Variants in CATSPERB observed in about 807,000 individuals in gnomAD.
The protein encoded by CATSPERB is catsper channel auxiliary subunit beta.
A neutral mutation model predicts 128.3 loss-of-function variants in CATSPERB; 93 were observed. The ratio of observed to expected loss-of-function variants is 0.72; its 90% CI spans 0.61 to 0.86. The LOEUF (loss-of-function observed/expected upper bound fraction) is 0.86, where lower values mean the gene tolerates loss of function less well. CATSPERB is among the 40% of genes least tolerant of loss of function. CATSPERB has a pLI of 0.00. For missense variants in CATSPERB, 1,153 were observed against 1,329.5 expected (o/e 0.87, Z 2.06); for synonymous variants, 381 against 448.8 (o/e 0.85, Z 1.91).
intron 3 of CATSPERB, 120 bp downstream of exon 3, chr14:91,724,960 T>C: frequency 4.8e-6 from 2 of 416,990 alleles, no homozygotes; most frequent in Non-Finnish European, 8.5e-6. Flanking sequence ...ATATAGAATT[T>C]TCCCTCCCCA....
intron 11 of CATSPERB, among the ~76,000 whole-genome samples, chr14:91,677,491 A>T (rs551338945): frequency 6.6e-6 from 1 of 152,360 alleles, no homozygotes; most frequent in Admixed American, 6.5e-5. Flanking sequence ...AGAAATGCAA[A>T]TCAAAACCAC....
At chr14:91,650,390 TAGA>T (rs2139814299) in intron 15 of CATSPERB, among the ~76,000 whole-genome samples, 1 of 152,332 alleles carries the variant, frequency 6.6e-6, no homozygotes, top group African/African-American at 2.4e-5. Context: ...TAATTTGTTG[TAGA>T]AGAATTCTAT....
At chr14:91,652,573 A>T (rs985712891) in intron 15 of CATSPERB, among the ~76,000 whole-genome samples, 1 of 145,798 alleles carries the variant, frequency 6.9e-6, no homozygotes, top group African/African-American at 2.5e-5. Flanking sequence ...CGGGAGGCTG[A>T]GGCAGGAGAA....
chr14:91,589,426 C>G, intron 24 of CATSPERB, 108 bp downstream of exon 24: 1 of 1,079,456 alleles, frequency 9.3e-7, no homozygotes, highest in Non-Finnish European at 1.3e-6. Flanking sequence ...TTTGCAAGAA[C>G]TCCTGGCTCT....
In CATSPERB at chr14:91,683,905, T is replaced by G; in HGVS notation, c.903A>C (p.Arg301Ser). ...CAAAGTGCTCTCTGTTAGCAAAACATCTTTCATTATACCACAGTTTTCCTT... is the reference window on the plus strand; with the variant it reads ...CAAAGTGCTCTCTGTTAGCAAAACAGCTTTCATTATACCACAGTTTTCCTT... ...YVKGKLWYNE[R>S]CFANREHFEV... Residue 301 changes from arginine to serine, a missense_variant, in exon 11 of 27, where the codon AGA becomes AGC. Coordinates refer to ENST00000256343, the MANE Select transcript of CATSPERB (RefSeq NM_024764.4). The G allele has an allele frequency of 6.2e-7, 1 of 1,607,808 alleles. No individual in the cohort carries two copies. Among genetic ancestry groups the G allele is most frequent in the Non-Finnish European group, 8.5e-7 (1 of 1,177,394 alleles).
In CATSPERB at chr14:91,617,608, C is replaced by A. The variant is rs772466025; in HGVS notation, c.2389G>T (p.Val797Phe). 6.3e-7 allele frequency: 1 copy of A among 1,579,988 alleles called. No homozygotes were observed. Among genetic ancestry groups the A allele is most frequent in the Admixed American group, 2.0e-5 (1 of 49,362 alleles). ...GAAGAAAATCCTACCTGATGTAAAA[C>A]TTTGCTAGCTGCAGAAATTGTTATT... ...YVITISAASK[V>F]LHQGSTSLAF... Residue 797 changes from valine (V) to phenylalanine (F), a missense_variant, in exon 20 of 27, where the codon GTT (valine) becomes TTT (phenylalanine). Coordinates refer to ENST00000256343, the MANE Select transcript of CATSPERB (RefSeq NM_024764.4).
At chr14:91,731,864 T>C (rs1896218295) in intron 1 of CATSPERB, 66 bp downstream of exon 1, 1 of 152,328 alleles carries the variant, frequency 6.6e-6, no homozygotes, top group African/African-American at 2.4e-5. Context: ...TATTATGGAA[T>C]AGTGATCACA....
chr14:91,717,997 G>T (rs542848821), intron 5 of CATSPERB, among the ~76,000 whole-genome samples: 1 of 152,064 alleles, frequency 6.6e-6, no homozygotes, highest in African/African-American at 2.4e-5. Flanking sequence ...TTAAGTTCTC[G>T]TATCATCTTT....
chr14:91,583,200 C>T (rs189469659), intron 26 of CATSPERB, among the ~76,000 whole-genome samples: 13 of 152,332 alleles, frequency 8.5e-5, no homozygotes, highest in East Asian at 3.9e-4. Flanking sequence ...GGGCAGATCA[C>T]GAGGTCAGGA....
chr14:91,581,068 T>C lies in CATSPERB; in HGVS notation c.3172A>G (p.Thr1058Ala). 6.2e-7 allele frequency: 1 copy of C among 1,614,192 alleles called. No homozygotes were observed. Among genetic ancestry groups the C allele is most frequent in the African/African-American group, 1.3e-5 (1 of 75,066 alleles). ...DEAPLPFPGH[T>A]LIAVATAVVL... is the part of the protein sequence containing the mutation. ...ACCGCTGTTGCCACGGCAATAAGCG[T>C]GTGTCCTGGGAATGGCAATGGTGCC... Residue 1058 changes from threonine (T) to alanine (A), a missense_variant, in exon 27 of 27, where the codon ACG (threonine) becomes GCG (alanine). By Grantham distance (58) the Thr-to-Ala change is moderately conservative. Coordinates refer to ENST00000256343, the MANE Select transcript of CATSPERB (RefSeq NM_024764.4).
intron 22 of CATSPERB, chr14:91,604,693 C>A: frequency 6.2e-7 from 1 of 1,613,292 alleles, no homozygotes; most frequent in Non-Finnish European, 8.5e-7. Flanking sequence ...TGTTCTGGGT[C>A]TGGTTGCTCC....
intron 6 of CATSPERB, among the ~76,000 whole-genome samples, chr14:91,707,166 T>G (rs1233438104): frequency 1.3e-5 from 2 of 152,204 alleles, no homozygotes; most frequent in African/African-American, 4.8e-5. Flanking sequence ...TCCACCACTC[T>G]GTCATTTACT....
intron 11 of CATSPERB, 90 bp from the exon 12 acceptor site, chr14:91,674,312 C>T: frequency 1.3e-6 from 1 of 741,410 alleles, no homozygotes; most frequent in Non-Finnish European, 2.3e-6. Context: ...TCATGAAAAT[C>T]ATAGAAATTA....
At chr14:91,619,461 G>C (rs572329087) in intron 19 of CATSPERB, among the ~76,000 whole-genome samples, 50 of 152,112 alleles carry the variant, frequency 3.3e-4, no homozygotes, top group Admixed American at 5.2e-4. Context: ...CCACGATATT[G>C]AGGGAAATAG....
intron 5 of CATSPERB, among the ~76,000 whole-genome samples, chr14:91,716,433 C>A (rs533975456): frequency 1.1e-4 from 17 of 152,180 alleles, no homozygotes; most frequent in African/African-American, 4.1e-4. Context: ...AAAAAATTAG[C>A]CGGGCCTGGT....
Position 91,659,712 on chromosome 14 carries a change from A to T in CATSPERB, c.1432+125T>A, listed in dbSNP as rs185651436. On this transcript the variant is annotated intron_variant, in intron 15 of 26. Transcript: ENST00000256343. ...ATAGGATCCTACTTCTGTAGATCCT[A>T]CAAATCCATCACCCCTAATAGTTTT... 20 of 884,512 alleles carry T rather than the reference A, an allele frequency of 2.3e-5. No individual in the cohort carries two copies. The Admixed American group carries it at 4.9e-4, about 22-fold the overall frequency. 54.8% of individuals were successfully genotyped at this position (884,512 alleles called of 1,614,324 possible). A position where few individuals can be genotyped will look rare whatever the true frequency, so the allele number is the denominator to read the frequency against.
rs1291000416 is a variant in CATSPERB at position 91,636,589 on chromosome 14, GAGAAA to G, written c.1588-15_1588-11del. 1.3e-6 allele frequency: 2 copies of G among 1,599,218 alleles called. No homozygotes were observed. Among genetic ancestry groups the G allele is most frequent in the East Asian group, 2.2e-5 (1 of 44,518 alleles). The stretch of plus-strand genomic sequence containing the variant: ...AGCCCATATCTGGAGGCTGGAAACA[GAGAAA>G]AGAAAATATTATATTTAAACTACTT... On this transcript the variant is annotated splice_polypyrimidine_tract_variant and intron_variant, in intron 16 of 26. Transcript: ENST00000256343.
At chr14:91,702,510 G>T (rs895550605) in intron 7 of CATSPERB, among the ~76,000 whole-genome samples, 2 of 151,748 alleles carry the variant, frequency 1.3e-5, no homozygotes, top group African/African-American at 2.4e-5. Flanking sequence ...CTATACTGAT[G>T]CATACTGTTT....
chr14:91,714,555 CTT>C (rs56965295), intron 5 of CATSPERB, among the ~76,000 whole-genome samples: 4,464 of 87,998 alleles, frequency 0.051, 181 homozygotes, highest in African/African-American at 0.15. Flanking sequence ...CCATAAACTA[CTT>C]TTTTTTTTTT....
Sources: allele counts gnomAD v4.1 joint callset (sites outside exome capture counted in the v4.1 genomes callset), GRCh38; gene constraint gnomAD v4.1.1; transcripts MANE v1.5; gene names NCBI Gene and HGNC (gene_info 2026-07-23, HGNC 2026-07-21).